The following RALYL variants were observed in gnomAD, a reference collection of about 807,000 sequenced individuals.
RALYL encodes RALY RNA binding protein like, also known as RNA-binding Raly-like protein.
Under a neutral mutation model 35.1 loss-of-function variants are expected in RALYL, and 29 were observed. That is an observed-to-expected ratio of 0.83 (90% CI 0.61 to 1.13). RALYL has a LOEUF of 1.13. RALYL is among the 50% of genes most tolerant of loss of function. RALYL has a pLI of 0.00. For synonymous variants in RALYL, 120 were observed against 127.6 expected (o/e 0.94, Z 0.40); for missense variants, 359 against 360.4 (o/e 1.00, Z 0.03).
chr8:84,583,546 A>G (rs537148261), intron 2 of RALYL, among the ~76,000 whole-genome samples: 9 of 152,242 alleles, frequency 5.9e-5, no homozygotes, highest in Admixed American at 5.9e-4. Flanking sequence ...TTTTGGAATG[A>G]CTAAGATTTC....
chr8:84,256,895 C>T (rs1293957949), intron 1 of RALYL, among the ~76,000 whole-genome samples: 4 of 152,000 alleles, frequency 2.6e-5, no homozygotes, highest in Non-Finnish European at 5.9e-5. Context: ...ACTTTACCCA[C>T]GTTCTTCTGT....
chr8:84,499,713 G>A lies in RALYL; in HGVS notation c.-23-29586G>A, dbSNP rs566264447. On this transcript the variant is annotated intron_variant, in intron 1 of 8. Transcript: ENST00000521268. The stretch of plus-strand genomic sequence containing the variant: ...CATTGGCATTTCTTGGTGGGAATGG[G>A]GAGACATATTTTCTTGATTTAAGAG... Among the ~76,000 whole-genome samples, 13 of 151,800 alleles carry A rather than the reference G, an allele frequency of 8.6e-5. No homozygotes were observed. The South Asian group carries it at 1.0e-3, about 12-fold the overall frequency.
chr8:84,220,325 G>A (rs1821885632), intron 1 of RALYL, among the ~76,000 whole-genome samples: 1 of 151,706 alleles, frequency 6.6e-6, no homozygotes, highest in Non-Finnish European at 1.5e-5. Context: ...GAATAATTTT[G>A]CTTGACATAA....
At chr8:84,679,630 G>A (rs771420008) in intron 2 of RALYL, 2 of 478,708 alleles carry the variant, frequency 4.2e-6, no homozygotes, top group Admixed American at 4.6e-5. Flanking sequence ...GAAGAGCTCA[G>A]TTTGATGATG....
intron 1 of RALYL, among the ~76,000 whole-genome samples, chr8:84,327,680 G>GAA (rs147645854): frequency 5.7e-5 from 8 of 140,964 alleles, no homozygotes; most frequent in African/African-American, 5.2e-5. Context: ...GCCCTTCACA[G>GAA]AAAAAAAAAA....
chr8:84,874,257 G>A (rs1840721031), intron 7 of RALYL, among the ~76,000 whole-genome samples: 1 of 152,042 alleles, frequency 6.6e-6, no homozygotes, highest in Non-Finnish European at 1.5e-5. Flanking sequence ...TTAATTTGCT[G>A]GAAGAGTTCC....
chr8:84,809,414 G>A (rs1258570039), intron 4 of RALYL, among the ~76,000 whole-genome samples: 3 of 152,066 alleles, frequency 2.0e-5, no homozygotes, highest in Non-Finnish European at 2.9e-5. Context: ...TAGCATCTAT[G>A]TTTATCAAGG....
At chr8:84,595,198 A>G (rs1431289574) in intron 2 of RALYL, among the ~76,000 whole-genome samples, 1 of 152,136 alleles carries the variant, frequency 6.6e-6, no homozygotes, top group Non-Finnish European at 1.5e-5. Flanking sequence ...GATGTCTTTT[A>G]TTTACCAAAT....
chr8:84,470,038 C>G (rs747145952), intron 1 of RALYL, among the ~76,000 whole-genome samples: 1 of 152,176 alleles, frequency 6.6e-6, no homozygotes, highest in Non-Finnish European at 1.5e-5. Flanking sequence ...CGCCCACTGT[C>G]TGGCACTTCC....
intron 1 of RALYL, among the ~76,000 whole-genome samples, chr8:84,399,191 G>T (rs541923360): frequency 1.9e-4 from 29 of 152,210 alleles, no homozygotes; most frequent in Admixed American, 1.5e-3. Flanking sequence ...CATTACTAAA[G>T]AATAATAAAA....
chr8:84,608,702 A>G (rs984238373), intron 2 of RALYL, among the ~76,000 whole-genome samples: 2 of 152,166 alleles, frequency 1.3e-5, no homozygotes, highest in Admixed American at 1.3e-4. Flanking sequence ...GGAATGACAC[A>G]GAGTTTCTGA....
Position 84,825,387 on chromosome 8 carries a change from C to T in RALYL, c.365+20585C>T, listed in dbSNP as rs112863901. Reference sequence around the variant, plus strand: ...CTGTGGAGAAAAGGGAACATTCATACACTGTTGGTGGGAATGTAAATTAGT... The same window carrying T: ...CTGTGGAGAAAAGGGAACATTCATATACTGTTGGTGGGAATGTAAATTAGT... On this transcript the variant is annotated intron_variant, in intron 4 of 8. Transcript: ENST00000521268. Among the ~76,000 whole-genome samples the T allele has an allele frequency of 1.2e-3, 190 of 152,244 alleles. 1 individual carries two copies. Among genetic ancestry groups the T allele is most frequent in the African/African-American group, 4.5e-3 (185 of 41,528 alleles).
intron 1 of RALYL, among the ~76,000 whole-genome samples, chr8:84,440,215 AT>A (rs1441754351): frequency 1.3e-5 from 2 of 152,102 alleles, no homozygotes; most frequent in African/African-American, 4.8e-5. Context: ...ATTGATATTT[AT>A]TTTCATAACT....
At chr8:84,908,166 T>G (rs2135648713) in intron 8 of RALYL, among the ~76,000 whole-genome samples, 1 of 152,334 alleles carries the variant, frequency 6.6e-6, no homozygotes, top group Non-Finnish European at 1.5e-5. Flanking sequence ...TAAATAAAGC[T>G]AATTAACATA....
chr8:84,552,876 C>G (rs2060843882), intron 2 of RALYL, among the ~76,000 whole-genome samples: 1 of 151,648 alleles, frequency 6.6e-6, no homozygotes, highest in South Asian at 2.1e-4. Context: ...ATATTAAGAT[C>G]CTTAAAATAA....
chr8:84,791,770 G>A (rs746714487), intron 3 of RALYL, among the ~76,000 whole-genome samples: 49 of 152,204 alleles, frequency 3.2e-4, no homozygotes, highest in Non-Finnish European at 3.8e-4. Context: ...CTGCTGCTAC[G>A]TAGCAAGATT....
intron 1 of RALYL, among the ~76,000 whole-genome samples, chr8:84,406,016 A>G (rs2043448945): frequency 6.6e-6 from 1 of 150,924 alleles, no homozygotes; most frequent in Admixed American, 6.6e-5. Context: ...GACTTTTGTT[A>G]AATATGAAAA....
At chr8:84,916,874 A>G (rs1482755587) in intron 8 of RALYL, among the ~76,000 whole-genome samples, 1 of 152,162 alleles carries the variant, frequency 6.6e-6, no homozygotes, top group Non-Finnish European at 1.5e-5. Context: ...ATGATGCAAA[A>G]GTTTGACAGT....
intron 2 of RALYL, among the ~76,000 whole-genome samples, chr8:84,732,668 T>TTATATATATATATGTGTATGTATATATA (rs1554553643): frequency 7.5e-6 from 1 of 132,492 alleles, no homozygotes; most frequent in African/African-American, 3.2e-5. Flanking sequence ...TATTAAATAA[T>TTATATATATATATGTGTATGTATATATA]TATATATATA....
Sources: allele counts gnomAD v4.1 joint callset (sites outside exome capture counted in the v4.1 genomes callset), GRCh38; gene constraint gnomAD v4.1.1; transcripts MANE v1.5; gene names NCBI Gene and HGNC (gene_info 2026-07-23, HGNC 2026-07-21).